The following MYO3B variants were observed in gnomAD, a reference collection of about 807,000 sequenced individuals.
MYO3B encodes myosin IIIB, also known as myosin-IIIb.
MYO3B carries 156 observed loss-of-function variants against 174.6 expected under a neutral mutation model. The ratio of observed to expected loss-of-function variants is 0.89; its 90% CI spans 0.78 to 1.02. MYO3B has a LOEUF of 1.02. MYO3B is among the 50% of genes least tolerant of loss of function. The probability of loss-of-function intolerance (pLI) is 0.00; values close to 1 mark genes in which losing one functional copy is unlikely to be tolerated. For missense variants in MYO3B, 1,632 were observed against 1,639.4 expected (o/e 1.00, Z 0.08); for synonymous variants, 563 against 569.1 (o/e 0.99, Z 0.15).
rs181883526 is a variant in MYO3B at position 170,385,258 on chromosome 2, C to T, written c.1291-931C>T. On this transcript the variant is annotated intron_variant, in intron 12 of 34. Transcript: ENST00000408978. ...TTGTATAACTTAATCTTTAAATCCC[C>T]TCTTCTTTCTAGAAGTTGGGAGGTA... is the stretch of plus-strand genomic sequence containing the variant. Among the ~76,000 whole-genome samples, 3 of 152,246 alleles carry T rather than the reference C, an allele frequency of 2.0e-5. No homozygotes were observed. In the East Asian group the frequency reaches 5.8e-4, roughly 29 times the overall value.
intron 32 of MYO3B, among the ~76,000 whole-genome samples, chr2:170,651,234 T>TGAG (rs1698991020): frequency 2.6e-5 from 4 of 152,228 alleles, no homozygotes; most frequent in Non-Finnish European, 4.4e-5. Flanking sequence ...TCCAGATGTT[T>TGAG]TTGAACTCTC....
At chr2:170,418,452 T>C (rs2094595087) in intron 22 of MYO3B, among the ~76,000 whole-genome samples, 1 of 152,248 alleles carries the variant, frequency 6.6e-6, no homozygotes, top group Non-Finnish European at 1.5e-5. Flanking sequence ...AGAAGTGTGA[T>C]TTCCCTGGAA....
intron 29 of MYO3B, among the ~76,000 whole-genome samples, chr2:170,518,092 ATCTT>A (rs1414808502): frequency 1.3e-5 from 2 of 152,134 alleles, no homozygotes; most frequent in African/African-American, 4.8e-5. Flanking sequence ...ACAACAACAA[ATCTT>A]TCTATCCATT....
chr2:170,578,303 AAAGGG>A (rs1692923687), intron 32 of MYO3B, among the ~76,000 whole-genome samples: 2 of 152,250 alleles, frequency 1.3e-5, no homozygotes, highest in Non-Finnish European at 1.5e-5. Flanking sequence ...GGCGGGGCCA[AAAGGG>A]TGACCACTCA....
At chr2:170,404,102 A>C in intron 19 of MYO3B, 145 bp from the exon 20 acceptor site, 1 of 803,862 alleles carries the variant, frequency 1.2e-6, no homozygotes, top group Non-Finnish European at 1.9e-6. Context: ...TTATATGCAG[A>C]AGATTCCTTT....
At chr2:170,416,772 G>A (rs1282712368) in intron 22 of MYO3B, among the ~76,000 whole-genome samples, 2 of 148,556 alleles carry the variant, frequency 1.3e-5, no homozygotes, top group African/African-American at 2.5e-5. Flanking sequence ...TGCTCCAGCT[G>A]CTCACTCTGC....
intron 15 of MYO3B, among the ~76,000 whole-genome samples, chr2:170,391,834 A>T (rs1295237311): frequency 6.6e-6 from 1 of 152,110 alleles, no homozygotes; most frequent in East Asian, 1.9e-4. Flanking sequence ...AGCCATTTGC[A>T]TCATTATTCT....
chr2:170,626,858 G>C (rs1209151756), intron 32 of MYO3B, among the ~76,000 whole-genome samples: 1 of 152,146 alleles, frequency 6.6e-6, no homozygotes. Context: ...ATTTCTTTAG[G>C]AATGTTGAAT....
chr2:170,360,868 C>A (rs1266786502), intron 8 of MYO3B, among the ~76,000 whole-genome samples: 1 of 152,232 alleles, frequency 6.6e-6, no homozygotes, highest in Non-Finnish European at 1.5e-5. Context: ...CCTCACCAGA[C>A]AACTGAACCT....
At chr2:170,321,097 T>G (rs574906192) in intron 7 of MYO3B, among the ~76,000 whole-genome samples, 1 of 152,236 alleles carries the variant, frequency 6.6e-6, no homozygotes, top group Non-Finnish European at 1.5e-5. Context: ...ATACCCCATC[T>G]GCTAAAAAAA....
At chr2:170,439,187 A>G (rs1282545900) in intron 22 of MYO3B, among the ~76,000 whole-genome samples, 3 of 150,734 alleles carry the variant, frequency 2.0e-5, no homozygotes, top group Non-Finnish European at 3.0e-5. Flanking sequence ...CCTGGCTAAC[A>G]CGGTGAAAAC....
At chr2:170,553,888 T>C (rs1691095983) in intron 32 of MYO3B, among the ~76,000 whole-genome samples, 1 of 152,178 alleles carries the variant, frequency 6.6e-6, no homozygotes, top group Non-Finnish European at 1.5e-5. Flanking sequence ...GATCTGATTG[T>C]TTAAAAGTAA....
chr2:170,190,454 G>A (rs1219366384), intron 1 of MYO3B, among the ~76,000 whole-genome samples: 1 of 152,094 alleles, frequency 6.6e-6, no homozygotes, highest in Non-Finnish European at 1.5e-5. Context: ...AGATCCCCCT[G>A]GTCCTACATG....
chr2:170,259,682 A>C (rs1232243491), intron 7 of MYO3B, among the ~76,000 whole-genome samples: 1 of 152,252 alleles, frequency 6.6e-6, no homozygotes, highest in Admixed American at 6.5e-5. Context: ...AGTTGCAATG[A>C]AAACACAAAT....
intron 32 of MYO3B, among the ~76,000 whole-genome samples, chr2:170,614,266 AGAGTATTAAGT>A (rs1695307669): frequency 6.6e-6 from 1 of 152,160 alleles, no homozygotes; most frequent in South Asian, 2.1e-4. Context: ...TAAGGTTGCT[AGAGTATTAAGT>A]GAGATAATTT....
intron 32 of MYO3B, among the ~76,000 whole-genome samples, chr2:170,546,061 G>T (rs181378392): frequency 2.6e-5 from 4 of 151,772 alleles, no homozygotes; most frequent in African/African-American, 9.7e-5. Context: ...TCTATTCTCC[G>T]AACATGCCTG....
At chr2:170,405,668 T>G in intron 21 of MYO3B, 35 bp downstream of exon 21, 1 of 1,580,814 alleles carries the variant, frequency 6.3e-7, no homozygotes, top group Non-Finnish European at 8.7e-7. Context: ...GACCTGAATT[T>G]GGCAAAGGGT....
At chr2:170,325,083 G>A (rs1352398937) in intron 7 of MYO3B, among the ~76,000 whole-genome samples, 1 of 151,958 alleles carries the variant, frequency 6.6e-6, no homozygotes, top group African/African-American at 2.4e-5. Context: ...TTTCTTCTTG[G>A]GTACTCCATC....
chr2:170,496,040 G>A (rs16858511), intron 25 of MYO3B, among the ~76,000 whole-genome samples: 6,808 of 152,184 alleles, frequency 0.045, 480 homozygotes, highest in African/African-American at 0.15. Flanking sequence ...ACTTAGCTCC[G>A]GAAGATATCT....
Sources: gnomAD v4.1 joint callset for allele counts (sites outside exome capture counted in the v4.1 genomes callset) on GRCh38, gnomAD v4.1.1 for gene constraint, MANE v1.5 for transcripts, NCBI Gene and HGNC (gene_info 2026-07-23, HGNC 2026-07-21) for gene names.